CDKL3: variants seen among roughly 807,000 people sequenced by gnomAD.
The protein encoded by CDKL3 is cyclin-dependent kinase-like 3.
A neutral mutation model predicts 69.3 loss-of-function variants in CDKL3; 65 were observed. The ratio of observed to expected loss-of-function variants is 0.94; its 90% CI spans 0.77 to 1.15. The LOEUF (loss-of-function observed/expected upper bound fraction) is 1.15. Ranked by LOEUF, CDKL3 falls within the 50% of genes most tolerant of loss-of-function variation. The pLI is 0.00. For missense variants in CDKL3, 652 were observed against 689.2 expected, an observed-to-expected ratio of 0.95 and a Z score of 0.61; for synonymous variants, 202 against 221.6, an observed-to-expected ratio of 0.91 and a Z score of 0.79.
chr5:134,355,235 G>GAGA (rs765448733), intron 3 of CDKL3, among the ~76,000 whole-genome samples: 3 of 74,440 alleles, frequency 4.0e-5, no homozygotes, highest in African/African-American at 1.3e-4. Flanking sequence ...TCTGTCTCAG[G>GAGA]AAAAAAAAAA....
intron 8 of CDKL3, among the ~76,000 whole-genome samples, chr5:134,293,169 C>T (rs535745195): frequency 1.4e-4 from 22 of 151,774 alleles, no homozygotes; most frequent in Middle Eastern, 6.8e-3. Context: ...TACAGGCATG[C>T]GCCACCACGC....
chr5:134,296,817 G>A (rs4429897), downstream of CDKL3, among the ~76,000 whole-genome samples: 883 of 129,174 alleles, frequency 6.8e-3, 6 homozygotes, highest in African/African-American at 0.024. Context: ...ACACACACAC[G>A]CACGCACACA....
chr5:134,311,616 A>C (rs1769543070), intron 7 of CDKL3, among the ~76,000 whole-genome samples: 1 of 152,170 alleles, frequency 6.6e-6, no homozygotes, highest in Non-Finnish European at 1.5e-5. Context: ...GAAAAACCAG[A>C]CTATTCTCTG....
intron 3 of CDKL3, among the ~76,000 whole-genome samples, chr5:134,355,264 A>C (rs1754322576): frequency 1.3e-5 from 2 of 151,400 alleles, no homozygotes; most frequent in Non-Finnish European, 2.9e-5. Context: ...AAACAGATAT[A>C]GTTCTTTACC....
At chr5:134,324,322 C>T (rs1343541841) in intron 4 of CDKL3, among the ~76,000 whole-genome samples, 2 of 152,214 alleles carry the variant, frequency 1.3e-5, no homozygotes, top group African/African-American at 4.8e-5. Flanking sequence ...TACCATACAA[C>T]CCAGCAATTG....
At chr5:134,365,454 A>G (rs530554848) in intron 2 of CDKL3, among the ~76,000 whole-genome samples, 2 of 151,918 alleles carry the variant, frequency 1.3e-5, no homozygotes, top group East Asian at 3.9e-4. Flanking sequence ...ACAATACAGC[A>G]TGTTCTAACT....
upstream of CDKL3, among the ~76,000 whole-genome samples, chr5:134,369,733 G>A (rs191553312): frequency 3.1e-4 from 47 of 152,140 alleles, no homozygotes; most frequent in East Asian, 8.9e-3. Flanking sequence ...ACCATGCCTG[G>A]CTAATTTTAC....
intron 11 of CDKL3, among the ~76,000 whole-genome samples, chr5:134,302,919 TTTA>T (rs1414666856): frequency 6.6e-6 from 1 of 152,064 alleles, no homozygotes; most frequent in African/African-American, 2.4e-5. Context: ...TTTATTTTAT[TTTA>T]TTATTCTCAG....
In CDKL3 at chr5:134,323,297, T is replaced by A. The variant is rs548459497; in HGVS notation, c.540-1394A>T. Among the ~76,000 whole-genome samples, 3 of 152,300 alleles carry A rather than the reference T, an allele frequency of 2.0e-5. No individual in the cohort carries two copies. The South Asian group carries it at 6.2e-4, about 32-fold the overall frequency. ...CAACGTATATATATACCTCAAAACA[T>A]CATGCTGTACACAATAAATACATAC... On this transcript the variant is annotated intron_variant, in intron 4 of 12. Transcript: ENST00000265334.
intron 2 of CDKL3, among the ~76,000 whole-genome samples, chr5:134,360,792 T>C (rs1386467732): frequency 6.6e-6 from 1 of 152,168 alleles, no homozygotes; most frequent in East Asian, 1.9e-4. Flanking sequence ...CACGATTAAG[T>C]ATGTGATCTG....
chr5:134,321,314 C>A (rs1055951102), intron 5 of CDKL3, among the ~76,000 whole-genome samples: 1 of 152,004 alleles, frequency 6.6e-6, no homozygotes, highest in Non-Finnish European at 1.5e-5. Context: ...GCCCAGCCTT[C>A]ATCAAATATG....
chr5:134,312,467 A>G (rs2149457638), intron 6 of CDKL3, 87 bp from the exon 7 acceptor site: 2 of 715,594 alleles, frequency 2.8e-6, no homozygotes, highest in Middle Eastern at 7.0e-4. Flanking sequence ...ATTAAGAAGT[A>G]AGTAATTATC....
At chr5:134,313,888 A>G (rs1770268541) in intron 6 of CDKL3, among the ~76,000 whole-genome samples, 1 of 152,086 alleles carries the variant, frequency 6.6e-6, no homozygotes, top group Non-Finnish European at 1.5e-5. Flanking sequence ...GTGTAATCCC[A>G]GCACTTTGGG....
chr5:134,344,053 A>C (rs1751202536), intron 4 of CDKL3, among the ~76,000 whole-genome samples: 1 of 152,222 alleles, frequency 6.6e-6, no homozygotes, highest in Non-Finnish European at 1.5e-5. Context: ...TGGGGAAAGA[A>C]CAATATTTTC....
At chr5:134,358,884 G>A (rs574303870) in intron 3 of CDKL3, among the ~76,000 whole-genome samples, 1 of 152,254 alleles carries the variant, frequency 6.6e-6, no homozygotes, top group African/African-American at 2.4e-5. Flanking sequence ...AAAATGCTGA[G>A]ATTAGAGGTG....
downstream of CDKL3, among the ~76,000 whole-genome samples, chr5:134,295,011 C>CTTTTTTTT (rs869256167): frequency 1.5e-4 from 15 of 100,422 alleles, no homozygotes; most frequent in Non-Finnish European, 2.5e-4. Flanking sequence ...ATTTTTTTTT[C>CTTTTTTTT]TTTTTTTTTT....
At chr5:134,366,276 G>C in intron 2 of CDKL3, 83 bp downstream of exon 2, 4 of 945,776 alleles carry the variant, frequency 4.2e-6, no homozygotes, top group Non-Finnish European at 6.2e-6. Context: ...ATCAGTACGT[G>C]TGAACTAAAA....
At chr5:134,284,371 G>A (rs746484393), downstream of CDKL3, among the ~76,000 whole-genome samples, 1 of 152,146 alleles carries the variant, frequency 6.6e-6, no homozygotes, top group Non-Finnish European at 1.5e-5. Flanking sequence ...AGGGGGATAC[G>A]AACAGGGAGT....
At chr5:134,357,044 G>A (rs1754781789) in intron 3 of CDKL3, among the ~76,000 whole-genome samples, 1 of 151,902 alleles carries the variant, frequency 6.6e-6, no homozygotes, top group Non-Finnish European at 1.5e-5. Flanking sequence ...TGTACCATCT[G>A]TCTAAGCCTA....
Sources: gnomAD v4.1 joint callset for allele counts (sites outside exome capture counted in the v4.1 genomes callset) on GRCh38, gnomAD v4.1.1 for gene constraint, MANE v1.5 for transcripts, NCBI Gene and HGNC (gene_info 2026-07-23, HGNC 2026-07-21) for gene names.